SRRM4: variants seen among roughly 807,000 people sequenced by gnomAD.
SRRM4 encodes serine/arginine repetitive matrix protein 4.
In SRRM4, 33 loss-of-function variants were observed where a neutral mutation model predicts 68.9. The ratio of observed to expected loss-of-function variants is 0.48; its 90% CI spans 0.36 to 0.64. The LOEUF is 0.64. Ranked by LOEUF, SRRM4 falls within the 30% of genes least tolerant of loss-of-function variation. SRRM4 has a pLI of 0.00. For synonymous variants in SRRM4, 318 were observed against 318.8 expected (o/e 1.00, Z 0.03); for missense variants, 817 against 827.1 (o/e 0.99, Z 0.15).
At chr12:119,068,836 AG>A (rs1953861329) in intron 1 of SRRM4, among the ~76,000 whole-genome samples, 1 of 152,154 alleles carries the variant, frequency 6.6e-6, no homozygotes, top group Non-Finnish European at 1.5e-5. Context: ...GATGGCAAGG[AG>A]AAAGAAACAA....
chr12:119,077,483 G>A (rs757984467), intron 1 of SRRM4, among the ~76,000 whole-genome samples: 5 of 152,020 alleles, frequency 3.3e-5, no homozygotes, highest in African/African-American at 4.8e-5. Context: ...GGAAATTAAT[G>A]GTACCTACCT....
chr12:118,998,934 G>T (rs1339615035), intron 1 of SRRM4, among the ~76,000 whole-genome samples: 3 of 152,180 alleles, frequency 2.0e-5, no homozygotes, highest in Non-Finnish European at 4.4e-5. Flanking sequence ...GTGGTTTGGG[G>T]TATAAAGAGA....
intron 2 of SRRM4, among the ~76,000 whole-genome samples, chr12:119,113,684 A>G (rs73213748): frequency 0.021 from 3,222 of 152,340 alleles, 52 homozygotes; most frequent in Non-Finnish European, 0.036. Flanking sequence ...GCCTGCCCCA[A>G]TTATAAAAGA....
intron 1 of SRRM4, among the ~76,000 whole-genome samples, chr12:119,078,547 G>T (rs1250981035): frequency 6.6e-6 from 1 of 152,224 alleles, no homozygotes; most frequent in Non-Finnish European, 1.5e-5. Context: ...GAGAAAGATG[G>T]TGTTGCTGAT....
At chr12:119,000,358 T>C (rs1953376546) in intron 1 of SRRM4, among the ~76,000 whole-genome samples, 1 of 152,170 alleles carries the variant, frequency 6.6e-6, no homozygotes. Context: ...AGCCTAGTCA[T>C]CTGTAACTGA....
intron 1 of SRRM4, among the ~76,000 whole-genome samples, chr12:119,065,784 A>G (rs1297206101): frequency 6.6e-6 from 1 of 152,084 alleles, no homozygotes; most frequent in East Asian, 1.9e-4. Context: ...TCCATGGGTC[A>G]GTGGTTGAAT....
chr12:119,101,741 T>C (rs981127552), intron 1 of SRRM4, among the ~76,000 whole-genome samples: 4 of 152,066 alleles, frequency 2.6e-5, no homozygotes, highest in African/African-American at 9.7e-5. Context: ...AGAAATGGAA[T>C]AGAAATGGCA....
intron 4 of SRRM4, among the ~76,000 whole-genome samples, chr12:119,119,911 G>A (rs575341222): frequency 3.9e-5 from 6 of 152,106 alleles, no homozygotes; most frequent in South Asian, 2.1e-4. Flanking sequence ...TTGGAGCACC[G>A]GTAGGCTTTG....
chr12:119,070,062 C>A (rs1041822932), intron 1 of SRRM4, among the ~76,000 whole-genome samples: 1 of 152,046 alleles, frequency 6.6e-6, no homozygotes, highest in Admixed American at 6.6e-5. Context: ...GAATGCAGGT[C>A]CCTTGCTTCC....
At chr12:119,041,947 G>A (rs1442568165) in intron 1 of SRRM4, among the ~76,000 whole-genome samples, 1 of 152,124 alleles carries the variant, frequency 6.6e-6, no homozygotes, top group African/African-American at 2.4e-5. Flanking sequence ...GTGGGTAGAG[G>A]GTGGTAACAA....
intron 1 of SRRM4, among the ~76,000 whole-genome samples, chr12:119,049,575 G>A (rs1235494662): frequency 6.6e-6 from 1 of 152,140 alleles, no homozygotes; most frequent in Admixed American, 6.5e-5. Flanking sequence ...GGGAACTAGG[G>A]TACAAATTTA....
At chr12:119,031,771 G>A (rs904756213) in intron 1 of SRRM4, among the ~76,000 whole-genome samples, 2 of 151,218 alleles carry the variant, frequency 1.3e-5, no homozygotes, top group East Asian at 1.9e-4. Flanking sequence ...TTTGCAAATT[G>A]CTAATTCATA....
chr12:119,010,973 A>T (rs1953445312), intron 1 of SRRM4, among the ~76,000 whole-genome samples: 1 of 152,228 alleles, frequency 6.6e-6, no homozygotes, highest in South Asian at 2.1e-4. Context: ...TGTAGGAAAA[A>T]GCATCTATCT....
At position 119,081,106 on chromosome 12, in the gene SRRM4, G is replaced by A. The variant is rs143483730; in HGVS notation, c.132-21130G>A. Among the ~76,000 whole-genome samples the A allele has an allele frequency of 2.6e-5, 4 of 152,280 alleles. No homozygotes were observed. The East Asian group carries it at 7.7e-4, about 29-fold the overall frequency. The stretch of plus-strand genomic sequence containing the variant: ...CTATTCAAAGATCCGAGAAATAGCT[G>A]TGAATGAAACAGACCAAAAACCTCT... On this transcript the variant is annotated intron_variant, in intron 1 of 12. Transcript: ENST00000267260.
At position 119,114,320 on chromosome 12, in the gene SRRM4, G is replaced by T. The variant is rs562335631; in HGVS notation, c.321G>T (p.Arg107Ser). 6.2e-7 allele frequency: 1 copy of T among 1,612,076 alleles called. No individual in the cohort carries two copies. Among genetic ancestry groups the T allele is most frequent in the African/African-American group, 1.3e-5 (1 of 74,980 alleles). ...DKDLTPPPSS[R>S]GKKKKKKSTR... Reference sequence around the variant, plus strand: ...ACTTGACACCACCACCTTCCTCCAGGGGAAAGAAGAAAAAGAAGAAATCCA... The same window carrying T: ...ACTTGACACCACCACCTTCCTCCAGTGGAAAGAAGAAAAAGAAGAAATCCA... The change falls in exon 3 of 13, where the codon AGG becomes AGT. Residue 107 changes from arginine (R) to serine (S), a missense_variant. By Grantham distance (110) the Arg-to-Ser change is moderately radical. Transcript: ENST00000267260.
chr12:119,000,466 T>C (rs1313953175), intron 1 of SRRM4, among the ~76,000 whole-genome samples: 2 of 152,196 alleles, frequency 1.3e-5, no homozygotes, highest in African/African-American at 2.4e-5. Context: ...CCAATACATT[T>C]GACCCCAGTG....
chr12:118,982,840 G>A (rs1205048701), intron 1 of SRRM4, among the ~76,000 whole-genome samples: 1 of 151,950 alleles, frequency 6.6e-6, no homozygotes, highest in Non-Finnish European at 1.5e-5. Flanking sequence ...GAGGAGGTTG[G>A]GGGAAAATGG....
At chr12:119,117,328 TC>T (rs1209963530) in intron 4 of SRRM4, among the ~76,000 whole-genome samples, 1 of 152,158 alleles carries the variant, frequency 6.6e-6, no homozygotes, top group African/African-American at 2.4e-5. Context: ...GCCCGCTGTC[TC>T]CTGGTCCCCA....
chr12:118,982,233 G>T (rs184937463), intron 1 of SRRM4, among the ~76,000 whole-genome samples: 4 of 152,180 alleles, frequency 2.6e-5, no homozygotes, highest in Admixed American at 2.6e-4. Context: ...ACGCTTATTG[G>T]ACCCCCGTAG....
Sources: gnomAD v4.1 joint callset for allele counts (sites outside exome capture counted in the v4.1 genomes callset) on GRCh38, gnomAD v4.1.1 for gene constraint, MANE v1.5 for transcripts, NCBI Gene and HGNC (gene_info 2026-07-23, HGNC 2026-07-21) for gene names.